PSMD1: variants seen among roughly 807,000 people sequenced by gnomAD.
PSMD1 encodes the protein proteasome 26S subunit, non-ATPase 1.
PSMD1 carries 18 observed loss-of-function variants against 119.0 expected under a neutral mutation model. That is an observed-to-expected ratio of 0.15 (90% CI 0.10 to 0.22). The LOEUF is 0.22. Ranked by LOEUF, PSMD1 falls within the 10% of genes least tolerant of loss-of-function variation. The pLI, the probability that PSMD1 is intolerant of heterozygous loss-of-function variation, is 1.00. For synonymous variants in PSMD1, 374 were observed against 396.6 expected, an observed-to-expected ratio of 0.94 and a Z score of 0.68; for missense variants, 702 against 1,158.5, an observed-to-expected ratio of 0.61 and a Z score of 5.72.
intron 16 of PSMD1, among the ~76,000 whole-genome samples, chr2:231,129,999 G>A (rs931226702): frequency 3.9e-5 from 6 of 151,924 alleles, no homozygotes; most frequent in Non-Finnish European, 7.4e-5. Context: ...GATTACAGGC[G>A]CCCACCAGCA....
chr2:231,140,495 CAAA>C (rs766658246), intron 17 of PSMD1, among the ~76,000 whole-genome samples: 3 of 48,464 alleles, frequency 6.2e-5, no homozygotes, highest in Admixed American at 4.7e-4. Context: ...GACTCCATCT[CAAA>C]AAAAAAAAAA....
At chr2:231,066,254 G>A (rs1693909410) in intron 4 of PSMD1, among the ~76,000 whole-genome samples, 1 of 152,212 alleles carries the variant, frequency 6.6e-6, no homozygotes, top group South Asian at 2.1e-4. Flanking sequence ...CTTTGGAACT[G>A]CCTTTTAAAC....
At chr2:231,155,808 T>C (rs1159465731) in intron 19 of PSMD1, among the ~76,000 whole-genome samples, 1 of 151,968 alleles carries the variant, frequency 6.6e-6, no homozygotes, top group Non-Finnish European at 1.5e-5. Flanking sequence ...CTTTTCTCTT[T>C]CTTTTTAATT....
At chr2:231,085,712 C>T (rs2125176069) in intron 15 of PSMD1, among the ~76,000 whole-genome samples, 1 of 140,618 alleles carries the variant, frequency 7.1e-6, no homozygotes, top group South Asian at 2.2e-4. Flanking sequence ...CACAGGAAAG[C>T]CAATGCACAT....
chr2:231,075,710 A>G, intron 8 of PSMD1, 139 bp downstream of exon 8: 1 of 684,740 alleles, frequency 1.5e-6, no homozygotes, highest in Non-Finnish European at 2.4e-6. Context: ...CTCCCAAGTA[A>G]ATGGCTGGGA....
chr2:231,127,645 C>T (rs1019204941), intron 16 of PSMD1, among the ~76,000 whole-genome samples: 3 of 152,220 alleles, frequency 2.0e-5, no homozygotes, highest in Non-Finnish European at 4.4e-5. Flanking sequence ...TGAGCCACCG[C>T]ACCCCACGCC....
At chr2:231,165,025 TA>T (rs1323325115) in intron 21 of PSMD1, 174 bp from the exon 22 acceptor site, 3,214 of 28,324 alleles carry the variant, frequency 0.11, 282 homozygotes, top group African/African-American at 0.45. Context: ...TTCTTTGATT[TA>T]TATATATTTA....
intron 23 of PSMD1, among the ~76,000 whole-genome samples, chr2:231,166,502 C>A (rs1696788272): frequency 8.0e-6 from 1 of 125,356 alleles, no homozygotes; most frequent in Non-Finnish European, 1.6e-5. Context: ...GTAATTACAC[C>A]GTTGTCTTTT....
At chr2:231,086,283 A>G (rs542522403) in intron 15 of PSMD1, among the ~76,000 whole-genome samples, 4 of 152,254 alleles carry the variant, frequency 2.6e-5, no homozygotes, top group African/African-American at 7.2e-5. Context: ...GGCTCAAGCA[A>G]TCCTCCTGTT....
chr2:231,151,061 C>G (rs1696367723), intron 18 of PSMD1, among the ~76,000 whole-genome samples: 1 of 152,110 alleles, frequency 6.6e-6, no homozygotes, highest in South Asian at 2.1e-4. Context: ...CTACATAGTA[C>G]AATGCATGGA....
intron 4 of PSMD1, among the ~76,000 whole-genome samples, chr2:231,066,586 T>C (rs2125155727): frequency 6.6e-6 from 1 of 152,294 alleles, no homozygotes; most frequent in East Asian, 1.9e-4. Context: ...ATTGTGGTGC[T>C]CAGGCTGGCG....
chr2:231,141,619 G>C lies in PSMD1; in HGVS notation c.1998+2769G>C, dbSNP rs1696118708. 4.6e-5 allele frequency among the ~76,000 whole-genome samples: 7 copies of C among 150,934 alleles called. No homozygotes were observed. The South Asian group carries it at 1.3e-3, about 27-fold the overall frequency. ...TTTTTAATAGAGACTAGGTCTTGCT[G>C]TGTTGCCTGGGCTTTATTTTTCTTC... On this transcript the variant is annotated intron_variant, in intron 17 of 24. Transcript: ENST00000308696.
Position 231,160,973 on chromosome 2 carries a change from G to T in PSMD1, c.2219-367G>T, listed in dbSNP as rs1018661656. 3.3e-5 allele frequency among the ~76,000 whole-genome samples: 5 copies of T among 152,170 alleles called. No homozygotes were observed. In the East Asian group the frequency reaches 9.6e-4, roughly 29 times the overall value. ...TGCTTGTAATCCCAAGACTTTGGGAGGCTGAGTCGGGAGGATCATATGAGG... is the reference window on the plus strand; with the variant it reads ...TGCTTGTAATCCCAAGACTTTGGGATGCTGAGTCGGGAGGATCATATGAGG... On this transcript the variant is annotated intron_variant, in intron 19 of 24. Transcript: ENST00000308696.
chr2:231,157,767 G>A (rs115746986), intron 19 of PSMD1, among the ~76,000 whole-genome samples: 165 of 151,708 alleles, frequency 1.1e-3, no homozygotes, highest in African/African-American at 3.6e-3. Context: ...AGGTTTCACC[G>A]TGTTGCCTAG....
At chr2:231,167,967 C>G (rs906169788) in intron 23 of PSMD1, among the ~76,000 whole-genome samples, 1 of 152,196 alleles carries the variant, frequency 6.6e-6, no homozygotes, top group Non-Finnish European at 1.5e-5. Context: ...ACAGTCCCAG[C>G]TACATGGGAG....
intron 10 of PSMD1, 56 bp downstream of exon 10, chr2:231,078,803 TTTTTTTTTTTTTG>T: frequency 7.4e-7 from 1 of 1,349,042 alleles, no homozygotes; most frequent in Non-Finnish European, 1.0e-6. Context: ...TTTTTTTTTT[TTTTTTTTTTTTTG>T]TGCAGTCTTA....
At chr2:231,071,966 T>G (rs1694051326) in intron 6 of PSMD1, among the ~76,000 whole-genome samples, 1 of 152,210 alleles carries the variant, frequency 6.6e-6, no homozygotes. Context: ...CATTAAGAGT[T>G]ATAAATATAA....
chr2:231,157,056 A>G (rs1696522283), intron 19 of PSMD1, among the ~76,000 whole-genome samples: 1 of 152,150 alleles, frequency 6.6e-6, no homozygotes, highest in Non-Finnish European at 1.5e-5. Flanking sequence ...ATTTAGGGAT[A>G]ACATTTTACT....
chr2:231,085,152 GA>G, intron 15 of PSMD1, 38 bp downstream of exon 15: 1 of 1,549,684 alleles, frequency 6.5e-7, no homozygotes, highest in Non-Finnish European at 8.9e-7. Context: ...GGGGTGGACG[GA>G]AAAGCTTGCA....
Sources: allele counts gnomAD v4.1 joint callset (sites outside exome capture counted in the v4.1 genomes callset), GRCh38; gene constraint gnomAD v4.1.1; transcripts MANE v1.5; gene names NCBI Gene and HGNC (gene_info 2026-07-23, HGNC 2026-07-21).